Variants in ARSG observed in about 807,000 individuals in gnomAD.
ARSG encodes the protein ASG.
Under a neutral mutation model 50.5 loss-of-function variants are expected in ARSG, and 37 were observed. The ratio of observed to expected loss-of-function variants is 0.73; its 90% CI spans 0.56 to 0.96. The LOEUF (loss-of-function observed/expected upper bound fraction) is 0.96. Ranked by LOEUF, ARSG falls within the 50% of genes least tolerant of loss-of-function variation. The pLI is 0.00. For missense variants in ARSG, 629 were observed against 675.3 expected (o/e 0.93, Z 0.76); for synonymous variants, 225 against 254.6 (o/e 0.88, Z 1.11).
At chr17:68,346,620 C>T in intron 3 of ARSG, 1 of 783,498 alleles carries the variant, frequency 1.3e-6, no homozygotes, top group Non-Finnish European at 1.7e-6. Context: ...GTCTGAGTTT[C>T]CTCATTTGCT....
downstream of ARSG, chr17:68,424,458 G>T: frequency 1.9e-6 from 1 of 534,784 alleles, no homozygotes; most frequent in Non-Finnish European, 3.8e-6. Flanking sequence ...ACAATTGGAA[G>T]CTCAATGGAC....
chr17:68,428,577 TAGG>T, the ARSG span: 1 of 408,620 alleles, frequency 2.4e-6, no homozygotes. Context: ...AGGGCTGTGT[TAGG>T]AGCATAGGCT....
At chr17:68,299,635 A>G (rs2076340816) in intron 1 of ARSG, among the ~76,000 whole-genome samples, 1 of 152,292 alleles carries the variant, frequency 6.6e-6, no homozygotes, top group African/African-American at 2.4e-5. Flanking sequence ...ACCGTAATTT[A>G]TTTACAAATC....
At chr17:68,341,738 A>G (rs1402500861) in intron 2 of ARSG, among the ~76,000 whole-genome samples, 1 of 152,188 alleles carries the variant, frequency 6.6e-6, no homozygotes. Flanking sequence ...AGGATAGGAT[A>G]ATGGCTAGAA....
In ARSG at chr17:68,420,234, A is replaced by G. The variant is rs775186071; in HGVS notation, c.1349A>G (p.His450Arg). ...GGGAGCACGGGGCCTGAGCTGCAGC[A>G]TAAGTTTCCTCTGATTTTCAACCTG... ...CDGSTGPELQ[H>R]KFPLIFNLED... Residue 450 changes from histidine to arginine, a missense_variant, in exon 12 of 12, where the codon CAT becomes CGT. His to Arg is a conservative substitution (Grantham distance 29). Transcript: ENST00000621439. The G allele has an allele frequency of 1.2e-6, 2 of 1,614,182 alleles. No individual in the cohort carries two copies. The highest frequency in any genetic ancestry group is 2.2e-5 in the East Asian group (1 of 44,880).
In ARSG at chr17:68,360,969, C is replaced by T. The variant is rs192993269; in HGVS notation, c.704+4165C>T. Among the ~76,000 whole-genome samples, 269 of 152,154 alleles carry T rather than the reference C, an allele frequency of 1.8e-3. 1 individual carries two copies. The highest frequency in any genetic ancestry group is 6.2e-3 in the African/African-American group (256 of 41,524). ...CCTCCCGAGTAGCTGGGATTACAGG[C>T]GCCCGCCACCACACCCAGCTAATTT... is the stretch of plus-strand genomic sequence containing the variant. On this transcript the variant is annotated intron_variant, in intron 6 of 11. Coordinates refer to ENST00000621439, the MANE Select transcript of ARSG (RefSeq NM_001267727.2).
rs1467467476 is a variant in ARSG, at chr17:68,367,251, C to G, written c.705-1297C>G. ...AGGGTTTTATGCATAGCAAAGAGAACTGAGTGCAAGCACAGTCCCAGGCGG... is the reference window on the plus strand; with the variant it reads ...AGGGTTTTATGCATAGCAAAGAGAAGTGAGTGCAAGCACAGTCCCAGGCGG... On this transcript the variant is annotated intron_variant, in intron 6 of 11. Coordinates refer to ENST00000621439, the MANE Select transcript of ARSG (RefSeq NM_001267727.2). The surrounding 1 kb of genome is among the most constrained non-coding windows in gnomAD (Gnocchi z 4.5). 6.6e-6 allele frequency among the ~76,000 whole-genome samples: 1 copy of G among 152,194 alleles called. No individual in the cohort carries two copies. Among genetic ancestry groups the G allele is most frequent in the African/African-American group, 2.4e-5 (1 of 41,436 alleles).
rs146177559 is a variant in ARSG at position 68,389,666 on chromosome 17, C to T, written c.1091+4494C>T. Among the ~76,000 whole-genome samples the T allele has an allele frequency of 3.6e-3, 543 of 152,248 alleles. 2 individuals are homozygous for T. Among genetic ancestry groups the T allele is most frequent in the African/African-American group, 0.012 (513 of 41,540 alleles). On this transcript the variant is annotated intron_variant, in intron 9 of 11. Transcript: ENST00000621439. The stretch of plus-strand genomic sequence containing the variant: ...CTTGCCTTCATTCGGGAGAGATGAA[C>T]ACAAAGCCTCTGTCTCTGTCCAGGT...
At chr17:68,355,627 T>C (rs557997182) in intron 5 of ARSG, among the ~76,000 whole-genome samples, 11 of 152,282 alleles carry the variant, frequency 7.2e-5, no homozygotes, top group African/African-American at 2.6e-4. Context: ...AGTTCTGGGA[T>C]TACACGCATG....
At chr17:68,288,252 A>G (rs1271513122), upstream of ARSG, among the ~76,000 whole-genome samples, 3 of 151,922 alleles carry the variant, frequency 2.0e-5, no homozygotes, top group Non-Finnish European at 2.9e-5. Context: ...CGCCCGCCTC[A>G]GCCTCCCAAA....
At chr17:68,398,559 T>G in intron 10 of ARSG, among the ~76,000 whole-genome samples, 1 of 152,250 alleles carries the variant, frequency 6.6e-6, no homozygotes, top group East Asian at 1.9e-4. Context: ...TATGAGTTGG[T>G]TTAGAAACAC....
chr17:68,274,152 G>A (rs2075435746), intron 1 of ARSG: 1 of 1,418,482 alleles, frequency 7.0e-7, no homozygotes. Context: ...TCCACGTCTT[G>A]CACATGGAGA....
At chr17:68,299,778 T>G (rs918305020) in intron 1 of ARSG, among the ~76,000 whole-genome samples, 4 of 152,158 alleles carry the variant, frequency 2.6e-5, no homozygotes, top group African/African-American at 7.2e-5. Context: ...GATGAGATAA[T>G]GGAGGACATT....
intron 1 of ARSG, among the ~76,000 whole-genome samples, chr17:68,302,881 C>T (rs75466274): frequency 0.089 from 13,600 of 152,068 alleles, 789 homozygotes; most frequent in African/African-American, 0.16. Context: ...CTGACGTGGC[C>T]GAGTACCTTC....
intron 11 of ARSG, among the ~76,000 whole-genome samples, chr17:68,417,688 G>T (rs2082460648): frequency 1.4e-5 from 2 of 142,820 alleles, no homozygotes; most frequent in African/African-American, 2.6e-5. Context: ...GCAGTAGTTT[G>T]CCCTGTGACT....
At position 68,412,260 on chromosome 17, in the gene ARSG, G is replaced by A. The variant is rs1024580177; in HGVS notation, c.1304-7929G>A. ...GCATGATTTTGCAGTGGCTGGTACCGGTTGTTCCTTTCCATGTTTAGTGCT... is the reference window on the plus strand; with the variant it reads ...GCATGATTTTGCAGTGGCTGGTACCAGTTGTTCCTTTCCATGTTTAGTGCT... On this transcript the variant is annotated intron_variant, in intron 11 of 11. Coordinates refer to ENST00000621439, the MANE Select transcript of ARSG (RefSeq NM_001267727.2). 1.8e-3 allele frequency among the ~76,000 whole-genome samples: 273 copies of A among 152,190 alleles called. 2 individuals carry two copies. Among genetic ancestry groups the A allele is most frequent in the African/African-American group, 5.7e-3 (238 of 41,506 alleles).
chr17:68,372,877 ATTTTTT>A (rs55668215), intron 8 of ARSG, among the ~76,000 whole-genome samples: 20 of 93,210 alleles, frequency 2.1e-4, no homozygotes, highest in African/African-American at 7.3e-4. Flanking sequence ...GGAAATGCTG[ATTTTTT>A]TTTTTTTTTT....
downstream of ARSG, chr17:68,426,254 G>GGGGGGGGGGGGGA: frequency 1.2e-6 from 1 of 816,924 alleles, no homozygotes; most frequent in Non-Finnish European, 1.9e-6. Context: ...GGGAGCGGGG[G>GGGGGGGGGGGGGA]CTCAAATAAA....
intron 1 of ARSG, among the ~76,000 whole-genome samples, chr17:68,297,227 C>T (rs868975580): frequency 1.3e-5 from 2 of 152,172 alleles, no homozygotes; most frequent in Non-Finnish European, 2.9e-5. Context: ...GGGAGATTCC[C>T]CTCACACGCA....
Sources: allele counts gnomAD v4.1 joint callset (sites outside exome capture counted in the v4.1 genomes callset), GRCh38; gene constraint gnomAD v4.1.1; non-coding constraint Gnocchi (gnomAD v3.1); transcripts MANE v1.5; gene names NCBI Gene and HGNC (gene_info 2026-07-23, HGNC 2026-07-21).